MYO1E: variants seen among roughly 807,000 people sequenced by gnomAD.
The protein encoded by MYO1E is myosin IE, also known as unconventional myosin-Ie.
A neutral mutation model predicts 151.1 loss-of-function variants in MYO1E; 68 were observed. The observed-to-expected ratio is 0.45, with a 90% CI of 0.37 to 0.55. The LOEUF (loss-of-function observed/expected upper bound fraction) is 0.55. Among genes scored for constraint, MYO1E ranks in the 20% least tolerant of loss-of-function variants. The pLI, the probability that MYO1E is intolerant of heterozygous loss-of-function variation, is 0.00. For missense variants in MYO1E, 1,363 were observed against 1,389.3 expected, an observed-to-expected ratio of 0.98 and a Z score of 0.30; for synonymous variants, 601 against 501.7, an observed-to-expected ratio of 1.20 and a Z score of -2.64.
chr15:59,363,481 G>C (rs1440344767), intron 1 of MYO1E, among the ~76,000 whole-genome samples: 1 of 152,058 alleles, frequency 6.6e-6, no homozygotes, highest in Non-Finnish European at 1.5e-5. Flanking sequence ...CTTCCCTCAG[G>C]AGTATGTGAA....
At chr15:59,339,869 A>G (rs1478899181) in intron 1 of MYO1E, among the ~76,000 whole-genome samples, 1 of 110,678 alleles carries the variant, frequency 9.0e-6, no homozygotes, top group African/African-American at 3.7e-5. Context: ...TTTTTTTTTG[A>G]CAGAGTCTTG....
At chr15:59,225,393 C>A (rs962925669) in intron 7 of MYO1E, among the ~76,000 whole-genome samples, 1 of 152,286 alleles carries the variant, frequency 6.6e-6, no homozygotes, top group African/African-American at 2.4e-5. Flanking sequence ...GGCCCCCACA[C>A]CCCAGCTCGT....
intron 3 of MYO1E, among the ~76,000 whole-genome samples, chr15:59,257,593 G>A (rs1266609753): frequency 6.6e-6 from 1 of 152,178 alleles, no homozygotes; most frequent in Admixed American, 6.5e-5. Context: ...AGAAAAGGGG[G>A]CCTGGCTGAG....
intron 16 of MYO1E, among the ~76,000 whole-genome samples, chr15:59,200,701 G>C (rs746953944): frequency 8.5e-5 from 13 of 152,200 alleles, no homozygotes; most frequent in Admixed American, 2.6e-4. Flanking sequence ...AATGTAGTCA[G>C]AGCATACATA....
At chr15:59,241,996 G>C (rs1290145515) in intron 4 of MYO1E, among the ~76,000 whole-genome samples, 2 of 152,060 alleles carry the variant, frequency 1.3e-5, no homozygotes, top group African/African-American at 4.8e-5. Context: ...GAAGCTGGGA[G>C]GGGTAGGGAG....
chr15:59,203,367 C>T (rs1283318385), intron 15 of MYO1E, among the ~76,000 whole-genome samples: 3 of 149,072 alleles, frequency 2.0e-5, no homozygotes, highest in African/African-American at 4.9e-5. Context: ...CCAGGCTCTG[C>T]CGGCTGAATA....
In MYO1E at chr15:59,171,947, T is replaced by G; in HGVS notation, c.2430A>C (p.Glu810Asp). Residue 810 changes from glutamate (E) to aspartate (D), a missense_variant, in exon 22 of 28, where the codon GAA (glutamate) becomes GAC (aspartate). Glu to Asp is a conservative substitution (Grantham distance 45, BLOSUM62 2). Coordinates refer to ENST00000288235, the MANE Select transcript of MYO1E (RefSeq NM_004998.4). Reference sequence around the variant, plus strand: ...CTATCTCGATTTTCCGCTTCAGGACTTCTTTCACCAGGCCCTTGTCTGGGC... The same window carrying G: ...CTATCTCGATTTTCCGCTTCAGGACGTCTTTCACCAGGCCCTTGTCTGGGC... Reference protein sequence around the residue: ...KQGPDKGLVKEVLKRKIEIER... With the variant: ...KQGPDKGLVKDVLKRKIEIER... 5 of 1,614,244 alleles carry G rather than the reference T, an allele frequency of 3.1e-6. No individual in the cohort carries two copies. Among genetic ancestry groups the G allele is most frequent in the Non-Finnish European group, 4.2e-6 (5 of 1,180,040 alleles).
intron 18 of MYO1E, among the ~76,000 whole-genome samples, chr15:59,185,741 G>T (rs1312918537): frequency 6.6e-6 from 1 of 152,168 alleles, no homozygotes; most frequent in East Asian, 1.9e-4. Flanking sequence ...ATTTAAAAAT[G>T]ATTATCTAAG....
intron 26 of MYO1E, 34 bp downstream of exon 26, chr15:59,153,556 T>C (rs764174564): frequency 6.2e-7 from 1 of 1,601,120 alleles, no homozygotes; most frequent in Non-Finnish European, 8.6e-7. Context: ...AGATGGAGCT[T>C]GCCGGCTTCA....
chr15:59,280,242 AAAGAT>A (rs1437774929), intron 1 of MYO1E, among the ~76,000 whole-genome samples: 2 of 152,246 alleles, frequency 1.3e-5, no homozygotes, highest in Non-Finnish European at 2.9e-5. Context: ...TGAACAGTTC[AAAGAT>A]AAGATGTTGT....
intron 1 of MYO1E, among the ~76,000 whole-genome samples, chr15:59,306,520 G>A (rs549448858): frequency 1.3e-5 from 2 of 152,348 alleles, no homozygotes; most frequent in Admixed American, 1.3e-4. Flanking sequence ...TACTCAGGTT[G>A]TGGATGGAGG....
chr15:59,207,665 A>G (rs1453406853), intron 14 of MYO1E: 2 of 1,614,198 alleles, frequency 1.2e-6, no homozygotes, highest in East Asian at 4.5e-5. Context: ...CTCGGAGAGC[A>G]TGGAGACTCA....
Position 59,153,712 on chromosome 15 carries a change from T to C in MYO1E, c.2958A>G (p.Lys986=). 6.2e-7 allele frequency: 1 copy of C among 1,614,098 alleles called. No homozygotes were observed. The part of the protein sequence containing the change: ...HAPGSQRSNQ[K]SLYTSMARPP... ...GGCGGGCCATGGAGGTGTACAGGCT[T>C]TTCTGATTGGACCTCTGGCTTCCAG... is the stretch of plus-strand genomic sequence containing the variant. The change falls in exon 26 of 28, where the codon AAA becomes AAG. Residue 986 remains lysine (K), a synonymous_variant. Transcript: ENST00000288235.
At position 59,202,388 on chromosome 15, in the gene MYO1E, A is replaced by G. The variant is rs1034413190; in HGVS notation, c.1636T>C (p.Phe546Leu). The change falls in exon 16 of 28, where the codon TTT (phenylalanine) becomes CTT (leucine). Residue 546 changes from phenylalanine to leucine, a missense_variant. By Grantham distance (22) the Phe-to-Leu change is conservative. Transcript: ENST00000288235. ...SSELPFIKSL[F>L]PENLQADKKG... ...TTGTCAGCCTGCAGATTTTCCGGAA[A>G]TAAAGACTTTATGAAAGGCCTGGAA... 1 of 1,614,136 alleles carries G rather than the reference A, an allele frequency of 6.2e-7. No individual in the cohort carries two copies. Among genetic ancestry groups the G allele is most frequent in the Non-Finnish European group, 8.5e-7 (1 of 1,179,958 alleles).
At chr15:59,178,266 T>G in intron 19 of MYO1E, 127 bp downstream of exon 19, 2 of 1,227,048 alleles carry the variant, frequency 1.6e-6, no homozygotes, top group South Asian at 3.0e-5. Context: ...GAGGGAAGGC[T>G]TCTTTGAGGA....
At chr15:59,240,831 A>G (rs1436376190) in intron 4 of MYO1E, among the ~76,000 whole-genome samples, 1 of 152,244 alleles carries the variant, frequency 6.6e-6, no homozygotes, top group Non-Finnish European at 1.5e-5. Flanking sequence ...TAAAACAAAA[A>G]TGATGTCTAC....
chr15:59,329,927 CCAGT>C (rs2080688324), intron 1 of MYO1E, among the ~76,000 whole-genome samples: 2 of 152,246 alleles, frequency 1.3e-5, no homozygotes, highest in South Asian at 2.1e-4. Flanking sequence ...AAATGGGAAC[CCAGT>C]CAGATTATCT....
intron 1 of MYO1E, among the ~76,000 whole-genome samples, chr15:59,311,007 C>A (rs2080547931): frequency 6.6e-6 from 1 of 152,060 alleles, no homozygotes; most frequent in African/African-American, 2.4e-5. Flanking sequence ...GATCATCTTC[C>A]CCCTCCACTT....
intron 1 of MYO1E, among the ~76,000 whole-genome samples, chr15:59,297,036 T>G (rs2080453945): frequency 1.2e-5 from 1 of 83,768 alleles, no homozygotes. Context: ...TGTTTTTTTG[T>G]AGAGACAGAG....
Sources: gnomAD v4.1 joint callset for allele counts (sites outside exome capture counted in the v4.1 genomes callset) on GRCh38, gnomAD v4.1.1 for gene constraint, MANE v1.5 for transcripts, NCBI Gene and HGNC (gene_info 2026-07-23, HGNC 2026-07-21) for gene names.